Variants in DOCK8 observed in about 807,000 individuals in gnomAD.
DOCK8 encodes the protein dedicator of cytokinesis protein 8.
A neutral mutation model predicts 245.6 loss-of-function variants in DOCK8; 141 were observed. The ratio of observed to expected loss-of-function variants is 0.57; its 90% CI spans 0.50 to 0.66. The LOEUF is 0.66. DOCK8 is among the 30% of genes least tolerant of loss of function. The pLI is 0.00. For synonymous variants in DOCK8, 1,168 were observed against 970.2 expected, an observed-to-expected ratio of 1.20 and a Z score of -3.79; for missense variants, 2,965 against 2,603.4, an observed-to-expected ratio of 1.14 and a Z score of -3.02.
chr9:273,358 A>G (rs2048219203), intron 2 of DOCK8, among the ~76,000 whole-genome samples: 1 of 152,196 alleles, frequency 6.6e-6, no homozygotes. Flanking sequence ...TTTCAGGTAT[A>G]TTAGATAAGC....
intron 1 of DOCK8, among the ~76,000 whole-genome samples, chr9:256,324 A>G (rs1412252764): frequency 6.6e-6 from 1 of 152,214 alleles, no homozygotes; most frequent in Non-Finnish European, 1.5e-5. Context: ...CGATATGCCA[A>G]TACAGGCAAG....
intron 1 of DOCK8, among the ~76,000 whole-genome samples, chr9:266,744 G>C (rs1156812696): frequency 6.6e-6 from 1 of 152,010 alleles, no homozygotes; most frequent in Admixed American, 6.6e-5. Context: ...AGTCACAATG[G>C]GTATTGACAT....
At chr9:279,408 T>A (rs655696) in intron 2 of DOCK8, among the ~76,000 whole-genome samples, 88,336 of 151,998 alleles carry the variant, frequency 0.58, 25,941 homozygotes, top group East Asian at 0.74. Context: ...AGTGAATGAG[T>A]TCATTTGAGA....
intron 14 of DOCK8, among the ~76,000 whole-genome samples, chr9:344,338 A>G (rs2051762704): frequency 6.6e-6 from 1 of 152,172 alleles, no homozygotes; most frequent in African/African-American, 2.4e-5. Flanking sequence ...GAATTTAGGA[A>G]GCATCTTGTC....
chr9:400,945 C>CTCCAAT (rs1564016613), intron 26 of DOCK8, among the ~76,000 whole-genome samples: 1 of 117,438 alleles, frequency 8.5e-6, no homozygotes, highest in South Asian at 2.8e-4. Flanking sequence ...CCACCACCAC[C>CTCCAAT]ATCACCACCA....
At chr9:464,035 G>A (rs1416249129) in intron 47 of DOCK8, 124 bp from the exon 48 acceptor site, 8 of 862,740 alleles carry the variant, frequency 9.3e-6, no homozygotes, top group Non-Finnish European at 1.4e-5. Context: ...TTGCTGAGTT[G>A]TCCATGACTG....
At position 332,444 on chromosome 9, in the gene DOCK8, C is replaced by A. The variant is rs781095788; in HGVS notation, c.1091C>A (p.Pro364His). Residue 364 changes from proline (P) to histidine (H), a missense_variant, in exon 10 of 48, where the codon CCC becomes CAC. Physicochemically the swap from Pro to His is moderately conservative, Grantham distance 77 (BLOSUM62 -2). This residue lies in a region of DOCK8 where 2,825 missense variants were observed against 2,453.5 expected (regional missense o/e 1.15). Transcript: ENST00000432829. ...GGAGAGATTGGAGACTGTGCAGAGC[C>A]CTACACGGTTATCAAAGAAAGTGAT... ...QQGEIGDCAE[P>H]YTVIKESDGG... The A allele has an allele frequency of 6.2e-7, 1 of 1,613,028 alleles. No individual in the cohort carries two copies. The highest frequency in any genetic ancestry group is 8.5e-7 in the Non-Finnish European group (1 of 1,179,436).
Position 325,677 on chromosome 9 carries a change from G to T in DOCK8, c.834G>T (p.Glu278Asp). 1 of 1,613,902 alleles carries T rather than the reference G, an allele frequency of 6.2e-7. No homozygotes were observed. The highest frequency in any genetic ancestry group is 8.5e-7 in the Non-Finnish European group (1 of 1,179,840). ...TCCTCTCTTTCTATGGTAGGTTCGA[G>T]ATTGAAATTGAGCCCCTGTTTGCCA... ...ILVKLLTLKFEIEIEPLFASI... is the reference protein window; with the variant it reads ...ILVKLLTLKFDIEIEPLFASI... Residue 278 changes from glutamate to aspartate, a missense_variant, in exon 8 of 48, where the codon GAG becomes GAT. Physicochemically the swap from Glu to Asp is conservative, Grantham distance 45 (BLOSUM62 2). Coordinates refer to ENST00000432829, the MANE Select transcript of DOCK8 (RefSeq NM_203447.4).
intron 14 of DOCK8, among the ~76,000 whole-genome samples, chr9:366,970 CTG>C (rs2053033528): frequency 6.6e-6 from 1 of 152,168 alleles, no homozygotes; most frequent in Non-Finnish European, 1.5e-5. Context: ...GAGCATGACT[CTG>C]GAACTAGACA....
Position 271,614 on chromosome 9 carries a change from A to G in DOCK8, c.54-13A>G. The G allele has an allele frequency of 6.6e-7, 1 of 1,510,576 alleles. No homozygotes were observed. 93.6% of individuals were successfully genotyped at this position (1,510,576 alleles called of 1,614,324 possible). ...ATAATCATTTCATTTAGATTTTTCTATTTTAATCCAAGGTATTCTTCAGCG... is the reference window on the plus strand; with the variant it reads ...ATAATCATTTCATTTAGATTTTTCTGTTTTAATCCAAGGTATTCTTCAGCG... On this transcript the variant is annotated splice_polypyrimidine_tract_variant and intron_variant, in intron 1 of 47. Transcript: ENST00000432829.
chr9:424,532 C>T (rs2056407835), intron 33 of DOCK8, among the ~76,000 whole-genome samples: 1 of 152,126 alleles, frequency 6.6e-6, no homozygotes, highest in Admixed American at 6.5e-5. Context: ...ACCTCAGCCT[C>T]CCAAGTAGAT....
At chr9:233,244 G>T (rs2047161185) in intron 1 of DOCK8, among the ~76,000 whole-genome samples, 2 of 151,972 alleles carry the variant, frequency 1.3e-5, no homozygotes, top group Admixed American at 1.3e-4. Flanking sequence ...TAGTTTGATT[G>T]CACTGTGGTC....
intron 1 of DOCK8, among the ~76,000 whole-genome samples, chr9:255,487 G>A (rs1388478178): frequency 1.3e-5 from 2 of 152,104 alleles, no homozygotes; most frequent in South Asian, 2.1e-4. Context: ...GGCCAACATG[G>A]TGAAACCCCA....
At position 465,072 on chromosome 9, in the gene DOCK8, G is replaced by T. The variant is rs1311094704; in HGVS notation, c.*853G>T. ...CAATAATATCTCTGTTTTCATTTCA[G>T]AACATTGTGCTGTCTGTCAGCATAT... On this transcript the variant is annotated 3_prime_UTR_variant, in exon 48 of 48. Coordinates refer to ENST00000432829, the MANE Select transcript of DOCK8 (RefSeq NM_203447.4). 2.0e-5 allele frequency: 3 copies of T among 152,472 alleles called. No individual in the cohort carries two copies. Among genetic ancestry groups the T allele is most frequent in the African/African-American group, 7.2e-5 (3 of 41,400 alleles). 9.4% of individuals were successfully genotyped at this position (152,472 alleles called of 1,614,324 possible).
intron 1 of DOCK8, among the ~76,000 whole-genome samples, chr9:246,859 T>A (rs2047517247): frequency 6.6e-6 from 1 of 152,126 alleles, no homozygotes; most frequent in African/African-American, 2.4e-5. Context: ...CAACTGATCC[T>A]CCTTTCTCAG....
intron 4 of DOCK8, among the ~76,000 whole-genome samples, chr9:299,569 T>C (rs934792902): frequency 2.0e-5 from 3 of 151,316 alleles, no homozygotes; most frequent in African/African-American, 7.3e-5. Context: ...AGCCTGTACA[T>C]TTTCCTTGAA....
At position 311,974 on chromosome 9, in the gene DOCK8, C is replaced by T. The variant is rs752184508; in HGVS notation, c.549C>T (p.Asn183=). The part of the protein sequence containing the change: ...PAAQAGPRHL[N]VLCDVSGKGP... ...CACAGGCAGGCCCCCGCCACTTAAA[C>T]GTGCTGTGCGACGTGTCTGGGAAAG... is the stretch of plus-strand genomic sequence containing the variant. The change falls in exon 6 of 48, where the codon AAC becomes AAT. Residue 183 remains asparagine (N), a synonymous_variant. Transcript: ENST00000432829. 123 of 1,613,974 alleles carry T rather than the reference C, an allele frequency of 7.6e-5. No individual in the cohort carries two copies. Among genetic ancestry groups the T allele is most frequent in the Non-Finnish European group, 8.8e-5 (104 of 1,180,044 alleles).
At chr9:348,371 C>T (rs1408259975) in intron 14 of DOCK8, among the ~76,000 whole-genome samples, 1 of 152,174 alleles carries the variant, frequency 6.6e-6, no homozygotes, top group African/African-American at 2.4e-5. Flanking sequence ...TTCCACCGTT[C>T]ACAACTCCAT....
chr9:443,530 T>C lies in DOCK8; in HGVS notation c.5580+14T>C, dbSNP rs1241722955. On this transcript the variant is annotated intron_variant, in intron 43 of 47. Coordinates refer to ENST00000432829, the MANE Select transcript of DOCK8 (RefSeq NM_203447.4). ...GATCCTAACAAGGTATACAAAAATT[T>C]ACAAAAACTAACCATCAAGCTCTAA... The C allele has an allele frequency of 6.2e-7, 1 of 1,602,364 alleles. No homozygotes were observed. Among genetic ancestry groups the C allele is most frequent in the South Asian group, 1.1e-5 (1 of 90,842 alleles).
Sources: gnomAD v4.1 joint callset for allele counts (sites outside exome capture counted in the v4.1 genomes callset) on GRCh38, gnomAD v4.1.1 for gene constraint, gnomAD v4.1.1 regional missense constraint, MANE v1.5 for transcripts, NCBI Gene and HGNC (gene_info 2026-07-23, HGNC 2026-07-21) for gene names.